Variants in GALNT13 observed in about 807,000 individuals in gnomAD.
GALNT13 encodes polypeptide N-acetylgalactosaminyltransferase 13, also known as UDP-GalNAc:polypeptide N-acetylgalactosaminyltransferase 13.
In GALNT13, 28 loss-of-function variants were observed where a neutral mutation model predicts 64.2. The observed-to-expected ratio is 0.44, with a 90% CI of 0.32 to 0.60. The LOEUF is 0.60. Among genes scored for constraint, GALNT13 ranks in the 20% least tolerant of loss-of-function variants. GALNT13 has a pLI of 0.05. For missense variants in GALNT13, 577 were observed against 669.8 expected (o/e 0.86, Z 1.53); for synonymous variants, 214 against 224.6 (o/e 0.95, Z 0.42).
At chr2:153,822,163 G>C in the GALNT13 span, among the ~76,000 whole-genome samples, 3 of 152,084 alleles carry the variant, frequency 2.0e-5, no homozygotes, top group Non-Finnish European at 4.4e-5. Flanking sequence ...ATACAACGAA[G>C]AGCTGGTACC....
chr2:154,003,764 G>A (rs1418560536), intron 3 of GALNT13, among the ~76,000 whole-genome samples: 1 of 152,102 alleles, frequency 6.6e-6, no homozygotes, highest in Non-Finnish European at 1.5e-5. Flanking sequence ...TTTCATGATA[G>A]TGAGTGGGCG....
At chr2:154,189,061 T>C (rs1268594938) in intron 4 of GALNT13, among the ~76,000 whole-genome samples, 1 of 152,146 alleles carries the variant, frequency 6.6e-6, no homozygotes, top group Non-Finnish European at 1.5e-5. Flanking sequence ...AATTAGGTGA[T>C]TTAAGGAAAA....
the GALNT13 span, among the ~76,000 whole-genome samples, chr2:153,627,836 T>G: frequency 1.3e-5 from 2 of 152,134 alleles, no homozygotes; most frequent in African/African-American, 4.8e-5. Context: ...CGATGTGGGC[T>G]CTTTTTTGGT....
chr2:153,995,585 A>G (rs1238947102), intron 3 of GALNT13, among the ~76,000 whole-genome samples: 2 of 152,112 alleles, frequency 1.3e-5, no homozygotes, highest in Non-Finnish European at 2.9e-5. Flanking sequence ...GTTTCAATAC[A>G]TGTATACATT....
intron 2 of GALNT13, among the ~76,000 whole-genome samples, chr2:153,902,660 G>A (rs1157316399): frequency 6.6e-6 from 1 of 152,080 alleles, no homozygotes; most frequent in Non-Finnish European, 1.5e-5. Context: ...GGGATGGACT[G>A]GCAGGGGTTG....
chr2:154,137,594 A>T (rs906773393), intron 3 of GALNT13, among the ~76,000 whole-genome samples: 1 of 152,156 alleles, frequency 6.6e-6, no homozygotes, highest in Non-Finnish European at 1.5e-5. Context: ...TAACTTACAT[A>T]ATGTGAAAAT....
At chr2:154,237,492 A>G (rs17809154) in intron 4 of GALNT13, among the ~76,000 whole-genome samples, 6,105 of 144,168 alleles carry the variant, frequency 0.042, 184 homozygotes, top group Non-Finnish European at 0.059. Context: ...TCTGGAAATA[A>G]CAGTGAGTTA....
intron 6 of GALNT13, among the ~76,000 whole-genome samples, chr2:154,244,007 C>G (rs1232577449): frequency 1.3e-5 from 2 of 152,102 alleles, no homozygotes; most frequent in East Asian, 3.9e-4. Flanking sequence ...TTTTTCCACT[C>G]TGTGTATTGT....
the GALNT13 span, among the ~76,000 whole-genome samples, chr2:153,429,652 C>G: frequency 1.2e-4 from 18 of 152,074 alleles, no homozygotes; most frequent in African/African-American, 4.3e-4. Flanking sequence ...AAATTAATGT[C>G]AGACTTCAAA....
At chr2:153,898,886 T>A (rs1164448081) in intron 1 of GALNT13, among the ~76,000 whole-genome samples, 2 of 151,062 alleles carry the variant, frequency 1.3e-5, no homozygotes, top group Non-Finnish European at 2.9e-5. Context: ...TGATGGCAAT[T>A]CTTAATAAAG....
At chr2:153,550,982 G>C in the GALNT13 span, among the ~76,000 whole-genome samples, 3 of 152,142 alleles carry the variant, frequency 2.0e-5, no homozygotes, top group Non-Finnish European at 4.4e-5. Context: ...ATTAAGCTGA[G>C]GGTGGCTAGA....
At chr2:153,422,556 T>A in the GALNT13 span, among the ~76,000 whole-genome samples, 1 of 151,988 alleles carries the variant, frequency 6.6e-6, no homozygotes, top group Non-Finnish European at 1.5e-5. Context: ...CTTATCACAA[T>A]AAAAAAATAC....
intron 4 of GALNT13, among the ~76,000 whole-genome samples, chr2:154,204,735 T>G (rs1172136331): frequency 6.6e-6 from 1 of 152,248 alleles, no homozygotes; most frequent in Non-Finnish European, 1.5e-5. Flanking sequence ...CTCTTCCCTT[T>G]GTACTCTACT....
chr2:153,970,837 T>C (rs952062750), intron 3 of GALNT13, among the ~76,000 whole-genome samples: 5 of 152,192 alleles, frequency 3.3e-5, no homozygotes, highest in Admixed American at 1.3e-4. Flanking sequence ...GCACATCCTG[T>C]TTGCATTATT....
the GALNT13 span, among the ~76,000 whole-genome samples, chr2:153,693,436 C>A: frequency 1.3e-5 from 2 of 152,118 alleles, no homozygotes; most frequent in South Asian, 4.1e-4. Flanking sequence ...TGCTGCATCA[C>A]ATGCATCTTA....
chr2:153,367,003 G>T, the GALNT13 span, among the ~76,000 whole-genome samples: 2 of 87,174 alleles, frequency 2.3e-5, no homozygotes, highest in South Asian at 6.8e-4. Flanking sequence ...ACTTTCTCAA[G>T]CAAACAAACA....
At chr2:154,009,230 G>C (rs768042764) in intron 3 of GALNT13, among the ~76,000 whole-genome samples, 1 of 150,696 alleles carries the variant, frequency 6.6e-6, no homozygotes, top group Non-Finnish European at 1.5e-5. Context: ...TTTATTTCTG[G>C]GTTCTCTATC....
chr2:153,264,352 G>T, the GALNT13 span, among the ~76,000 whole-genome samples: 1 of 152,212 alleles, frequency 6.6e-6, no homozygotes, highest in South Asian at 2.1e-4. Context: ...ATGTAAATTA[G>T]TTCAACCATT....
chr2:153,310,121 T>C, the GALNT13 span, among the ~76,000 whole-genome samples: 3 of 152,372 alleles, frequency 2.0e-5, no homozygotes, highest in South Asian at 4.1e-4. Context: ...ACATTCTTTA[T>C]GGCTTTAATG....
Sources: allele counts gnomAD v4.1 joint callset (sites outside exome capture counted in the v4.1 genomes callset), GRCh38; gene constraint gnomAD v4.1.1; transcripts MANE v1.5; gene names NCBI Gene and HGNC (gene_info 2026-07-23, HGNC 2026-07-21).